DMTF1: variants seen among roughly 807,000 people sequenced by gnomAD.
DMTF1 encodes the protein cyclin D binding myb like transcription factor 1, also known as cyclin-D-binding Myb-like transcription factor 1.
Under a neutral mutation model 91.1 loss-of-function variants are expected in DMTF1, and 39 were observed. The ratio of observed to expected loss-of-function variants is 0.43; its 90% CI spans 0.33 to 0.56. DMTF1 has a LOEUF of 0.56. DMTF1 is among the 20% of genes least tolerant of loss of function. The probability of loss-of-function intolerance (pLI) is 0.05; values close to 1 mark genes in which losing one functional copy is unlikely to be tolerated. For missense variants in DMTF1, 750 were observed against 914.5 expected, an observed-to-expected ratio of 0.82 and a Z score of 2.32; for synonymous variants, 338 against 309.5, an observed-to-expected ratio of 1.09 and a Z score of -0.97.
chr7:87,182,480 T>C (rs1443369025), intron 10 of DMTF1, 143 bp downstream of exon 10: 2 of 738,190 alleles, frequency 2.7e-6, no homozygotes, highest in Non-Finnish European at 4.4e-6. Flanking sequence ...TCCTTTTCCT[T>C]GAGCTTATTA....
chr7:87,194,852 T>C (rs781705593), intron 17 of DMTF1, 24 bp downstream of exon 17: 1 of 1,580,634 alleles, frequency 6.3e-7, no homozygotes, highest in South Asian at 1.2e-5. Context: ...ATACTTACTA[T>C]GTGCCTGATA....
intron 12 of DMTF1, 52 bp from the exon 13 acceptor site, chr7:87,188,040 T>A: frequency 6.8e-7 from 1 of 1,468,704 alleles, no homozygotes; most frequent in East Asian, 2.3e-5. Context: ...GCTGCTTAGA[T>A]GGTGGTCTGT....
At chr7:87,189,783 A>G (rs542287642) in intron 13 of DMTF1, among the ~76,000 whole-genome samples, 6 of 152,202 alleles carry the variant, frequency 3.9e-5, no homozygotes, top group African/African-American at 1.4e-4. Context: ...TTTAGCTTTT[A>G]AACAACCCTT....
At position 87,182,351 on chromosome 7, in the gene DMTF1, T is replaced by C. The variant is rs181947943; in HGVS notation, c.820+14T>C. The C allele has an allele frequency of 1.6e-5, 26 of 1,613,630 alleles. No homozygotes were observed. In the East Asian group the frequency reaches 4.7e-4, roughly 29 times the overall value. ...CTTGCAACACAGGTACTGTGACTAC[T>C]ACTGGTAGCGTTTTCTTGTCACCAC... On this transcript the variant is annotated intron_variant, in intron 10 of 17. Coordinates refer to ENST00000331242, the MANE Select transcript of DMTF1 (RefSeq NM_001142327.2).
At chr7:87,177,146 C>T (rs1796428807) in intron 7 of DMTF1, among the ~76,000 whole-genome samples, 1 of 152,140 alleles carries the variant, frequency 6.6e-6, no homozygotes, top group African/African-American at 2.4e-5. Flanking sequence ...ACTGTGATTT[C>T]ACCTGTTTTT....
intron 2 of DMTF1, chr7:87,164,155 A>G (rs1012941263): frequency 3.3e-5 from 5 of 151,938 alleles, no homozygotes; most frequent in African/African-American, 1.2e-4. Flanking sequence ...ACGTGCCAAA[A>G]GTGAGTATTG....
chr7:87,174,560 A>T (rs750097741), intron 6 of DMTF1, 33 bp from the exon 7 acceptor site: 1 of 1,444,056 alleles, frequency 6.9e-7, no homozygotes, highest in Non-Finnish European at 9.6e-7. Flanking sequence ...AAGGAGTAAC[A>T]TTTTTTATAA....
chr7:87,182,182 G>A (rs1191615585), intron 9 of DMTF1, 46 bp from the exon 10 acceptor site: 1 of 1,613,398 alleles, frequency 6.2e-7, no homozygotes, highest in South Asian at 1.1e-5. Flanking sequence ...AATTAAAAGG[G>A]AGAAAACAAT....
chr7:87,168,353 T>C (rs879440098), intron 4 of DMTF1, among the ~76,000 whole-genome samples: 1 of 152,198 alleles, frequency 6.6e-6, no homozygotes, highest in Non-Finnish European at 1.5e-5. Flanking sequence ...CTCCATTTAT[T>C]ACTCCCTTTA....
intron 12 of DMTF1, 186 bp from the exon 13 acceptor site, chr7:87,187,906 C>T (rs752327725): frequency 2.3e-5 from 13 of 577,096 alleles, no homozygotes; most frequent in Non-Finnish European, 3.4e-5. Context: ...AAATTTGTTA[C>T]GATGTTTATA....
chr7:87,186,051 A>G (rs1042724848), intron 12 of DMTF1, 71 bp downstream of exon 12: 1 of 1,546,664 alleles, frequency 6.5e-7, no homozygotes, highest in Non-Finnish European at 8.9e-7. Flanking sequence ...GTGAGAGGTT[A>G]GAAGTTCTTT....
intron 11 of DMTF1, 35 bp downstream of exon 11, chr7:87,184,660 C>T (rs369944343): frequency 6.3e-7 from 1 of 1,579,146 alleles, no homozygotes; most frequent in Non-Finnish European, 8.7e-7. Flanking sequence ...ACAAAAGCAA[C>T]TTAATTTCTG....
intron 1 of DMTF1, among the ~76,000 whole-genome samples, chr7:87,155,889 G>A (rs568645856): frequency 6.6e-6 from 1 of 152,220 alleles, no homozygotes; most frequent in South Asian, 2.1e-4. Flanking sequence ...TTTTGATTAT[G>A]TACACTGTTA....
At chr7:87,166,416 C>T (rs1793840620) in intron 3 of DMTF1, 67 bp from the exon 4 acceptor site, 2 of 1,506,286 alleles carry the variant, frequency 1.3e-6, no homozygotes, top group East Asian at 2.3e-5. Flanking sequence ...AATTGTAGAG[C>T]CATTGTTAGA....
chr7:87,153,489 T>C (rs55661783), intron 1 of DMTF1, among the ~76,000 whole-genome samples: 3,963 of 152,322 alleles, frequency 0.026, 78 homozygotes, highest in East Asian at 0.065. Context: ...AATTGAATGA[T>C]AGAGCATATG....
intron 5 of DMTF1, among the ~76,000 whole-genome samples, chr7:87,172,069 A>G (rs1795189924): frequency 6.6e-6 from 1 of 152,230 alleles, no homozygotes; most frequent in Non-Finnish European, 1.5e-5. Context: ...GATTAAGAGA[A>G]GATAATTTAA....
chr7:87,177,114 C>A (rs1796418145), intron 7 of DMTF1, among the ~76,000 whole-genome samples: 1 of 152,114 alleles, frequency 6.6e-6, no homozygotes, highest in Non-Finnish European at 1.5e-5. Context: ...TTCATACATT[C>A]AAAAGTGTAT....
chr7:87,195,185 T>A lies in DMTF1; in HGVS notation c.*45T>A. 1 of 1,366,136 alleles carries A rather than the reference T, an allele frequency of 7.3e-7. No homozygotes were observed. The highest frequency in any genetic ancestry group is 1.2e-5 in the South Asian group (1 of 84,212). 84.6% of individuals were successfully genotyped at this position (1,366,136 alleles called of 1,614,324 possible). On this transcript the variant is annotated 3_prime_UTR_variant, in exon 18 of 18. Coordinates refer to ENST00000331242, the MANE Select transcript of DMTF1 (RefSeq NM_001142327.2). Reference sequence around the variant, plus strand: ...CAGTTCAAGCAAAGAAGGCACACTGTTAATTACAACCTCTTCAAAGAAATA... The same window carrying A: ...CAGTTCAAGCAAAGAAGGCACACTGATAATTACAACCTCTTCAAAGAAATA...
chr7:87,195,085 G>A lies in DMTF1; in HGVS notation c.2228G>A (p.Gly743Asp), dbSNP rs773684881. 6.2e-7 allele frequency: 1 copy of A among 1,612,234 alleles called. No homozygotes were observed. Among genetic ancestry groups the A allele is most frequent in the Non-Finnish European group, 8.5e-7 (1 of 1,178,940 alleles). ...TCAAATATCATTGGATCATCCTTGG[G>A]CAGTCCTGTTTCAGAAGATTCAAAG... ...EESNIIGSSL[G>D]SPVSEDSKDV... The change falls in exon 18 of 18, where the codon GGC becomes GAC. Residue 743 changes from glycine (G) to aspartate (D), a missense_variant. By Grantham distance (94) the Gly-to-Asp change is moderately conservative. Around this residue, in one of 3 missense-constraint regions of DMTF1, gnomAD observed 410 missense variants for 420.2 expected, o/e 0.98. Transcript: ENST00000331242.
Sources: gnomAD v4.1 joint callset for allele counts (sites outside exome capture counted in the v4.1 genomes callset) on GRCh38, gnomAD v4.1.1 for gene constraint, gnomAD v4.1.1 regional missense constraint, MANE v1.5 for transcripts, NCBI Gene and HGNC (gene_info 2026-07-23, HGNC 2026-07-21) for gene names.